Variants in MEGF6 observed in about 807,000 individuals in gnomAD.
MEGF6 encodes the protein multiple EGF like domains 6.
Under a neutral mutation model 207.1 loss-of-function variants are expected in MEGF6, and 184 were observed. The observed-to-expected ratio is 0.89, with a 90% CI of 0.79 to 1.00. The LOEUF is 1.00. MEGF6 is among the 50% of genes least tolerant of loss of function. The pLI is 0.00. For synonymous variants in MEGF6, 1,038 were observed against 910.0 expected, an observed-to-expected ratio of 1.14 and a Z score of -2.53; for missense variants, 2,282 against 2,202.9, an observed-to-expected ratio of 1.04 and a Z score of -0.72.
At chr1:3,542,634 G>A (rs974081101) in intron 4 of MEGF6, among the ~76,000 whole-genome samples, 3 of 152,228 alleles carry the variant, frequency 2.0e-5, no homozygotes, top group African/African-American at 4.8e-5. Flanking sequence ...CTGCAGCCCG[G>A]GCCGTGGGCC....
At chr1:3,622,271 G>C in the MEGF6 span, among the ~76,000 whole-genome samples, 76,311 of 151,840 alleles carry the variant, frequency 0.5, 19,371 homozygotes, top group East Asian at 0.65. Flanking sequence ...CCCCCGTGCT[G>C]TTCTTGTCAT....
chr1:3,615,297 C>A (rs761934806), upstream of MEGF6, among the ~76,000 whole-genome samples: 4 of 152,208 alleles, frequency 2.6e-5, no homozygotes, highest in Non-Finnish European at 5.9e-5. Context: ...AGAGAAAGGG[C>A]GGCTGCAGAG....
At chr1:3,562,010 C>T (rs960817454) in intron 4 of MEGF6, among the ~76,000 whole-genome samples, 3 of 152,148 alleles carry the variant, frequency 2.0e-5, no homozygotes, top group Non-Finnish European at 2.9e-5. Flanking sequence ...CATTCTTTGG[C>T]GGTGCTGGTG....
At chr1:3,532,981 A>C (rs1642223702) in intron 4 of MEGF6, among the ~76,000 whole-genome samples, 1 of 152,094 alleles carries the variant, frequency 6.6e-6, no homozygotes, top group Non-Finnish European at 1.5e-5. Context: ...ATTGAGCAGA[A>C]CTCCAGCCCC....
chr1:3,503,409 T>C (rs1640980532), intron 17 of MEGF6, among the ~76,000 whole-genome samples: 3 of 152,070 alleles, frequency 2.0e-5, no homozygotes, highest in Non-Finnish European at 4.4e-5. Flanking sequence ...CACTCGGATG[T>C]CATCGCCTGT....
At position 3,492,744 on chromosome 1, in the gene MEGF6, GC is replaced by G; in HGVS notation, c.4410del (p.Ser1472AlafsTer46). Reference sequence around the variant, plus strand: ...CAGTCACAGTGCAGGGTGCAGCTGGGCCCAAACTGGCCCCTTCTGCAATCTG... The same window carrying G: ...CAGTCACAGTGCAGGGTGCAGCTGGGCCAAACTGGCCCCTTCTGCAATCTG... The part of the protein sequence containing the change: ...CNLDCRRGQF[G>X]PSCTLHCDCG... On this transcript the variant is annotated frameshift_variant, in exon 35 of 37. Transcript: ENST00000356575. LOFTEE classifies it high-confidence loss of function. The G allele has an allele frequency of 6.2e-7, 1 of 1,612,180 alleles. No individual in the cohort carries two copies. The highest frequency in any genetic ancestry group is 8.5e-7 in the Non-Finnish European group (1 of 1,179,582).
At chr1:3,602,327 G>T in intron 2 of MEGF6, 139 bp downstream of exon 2, 1 of 1,311,632 alleles carries the variant, frequency 7.6e-7, no homozygotes, top group Non-Finnish European at 1.0e-6. Flanking sequence ...CTCATGCTCA[G>T]ATGAGGGCTT....
chr1:3,590,355 G>C (rs374923654), intron 3 of MEGF6, among the ~76,000 whole-genome samples: 19 of 151,768 alleles, frequency 1.3e-4, no homozygotes, highest in East Asian at 7.8e-4. Context: ...CACCGGACCA[G>C]GATAAAAGTG....
At chr1:3,581,882 C>T (rs766299905) in intron 3 of MEGF6, among the ~76,000 whole-genome samples, 2 of 152,156 alleles carry the variant, frequency 1.3e-5, no homozygotes, top group Admixed American at 6.5e-5. Context: ...TCCTGGAGCC[C>T]GTGCACACCA....
chr1:3,535,454 C>T (rs987908913), intron 4 of MEGF6, among the ~76,000 whole-genome samples: 2 of 151,992 alleles, frequency 1.3e-5, no homozygotes, highest in East Asian at 1.9e-4. Flanking sequence ...GGCTGCCCCT[C>T]TCCAGAAGGC....
chr1:3,610,259 C>G (rs1401043807), intron 1 of MEGF6, among the ~76,000 whole-genome samples: 1 of 152,234 alleles, frequency 6.6e-6, no homozygotes, highest in Non-Finnish European at 1.5e-5. Context: ...CAGTCCCCAG[C>G]CAGCTGCAGC....
chr1:3,580,013 G>A (rs929080418), intron 3 of MEGF6, 84 bp from the exon 4 acceptor site: 45 of 994,496 alleles, frequency 4.5e-5, no homozygotes, highest in Non-Finnish European at 5.7e-5. Flanking sequence ...TCTCGGGCAG[G>A]CAGCCCACCC....
Position 3,514,684 on chromosome 1 carries a change from G to T in MEGF6, c.731-12C>A. 1.3e-6 allele frequency: 2 copies of T among 1,564,110 alleles called. No homozygotes were observed. Among genetic ancestry groups the T allele is most frequent in the Non-Finnish European group, 1.7e-6 (2 of 1,156,876 alleles). ...ACACGGGCTTCTACCTGCAGCCACG[G>T]GCCCGAGGAGGGGGTTGGGGAGAGG... On this transcript the variant is annotated splice_polypyrimidine_tract_variant and intron_variant, in intron 6 of 36. Transcript: ENST00000356575.
At chr1:3,610,228 C>T (rs1333618659) in intron 1 of MEGF6, among the ~76,000 whole-genome samples, 2 of 152,228 alleles carry the variant, frequency 1.3e-5, no homozygotes, top group East Asian at 1.9e-4. Context: ...TTCACCAGCT[C>T]GACGTGGCAG....
intron 20 of MEGF6, 27 bp downstream of exon 20, chr1:3,500,939 C>G: frequency 6.2e-7 from 1 of 1,610,780 alleles, no homozygotes; most frequent in Non-Finnish European, 8.5e-7. Context: ...GATGTCTGGA[C>G]AAAGGGCAAG....
At chr1:3,598,312 C>T (rs1337209426) in intron 2 of MEGF6, among the ~76,000 whole-genome samples, 1 of 152,322 alleles carries the variant, frequency 6.6e-6, no homozygotes, top group African/African-American at 2.4e-5. Context: ...GGCCAGTGGC[C>T]GGCCGGCGGG....
intron 29 of MEGF6, among the ~76,000 whole-genome samples, chr1:3,496,355 T>C (rs1183174504): frequency 2.0e-5 from 3 of 152,234 alleles, no homozygotes; most frequent in Admixed American, 2.0e-4. Context: ...TTGAGCTGCC[T>C]GGCTGACCTC....
At chr1:3,576,218 C>G (rs1570172605) in intron 4 of MEGF6, among the ~76,000 whole-genome samples, 1 of 152,250 alleles carries the variant, frequency 6.6e-6, no homozygotes, top group East Asian at 1.9e-4. Context: ...GCTTTGTGCT[C>G]CCACGGCTCC....
At chr1:3,524,661 T>G (rs532337313) in intron 4 of MEGF6, among the ~76,000 whole-genome samples, 78 of 152,324 alleles carry the variant, frequency 5.1e-4, no homozygotes, top group African/African-American at 1.8e-3. Flanking sequence ...GAGACGGCCA[T>G]GCCCAGGCTG....
Sources: allele counts gnomAD v4.1 joint callset (sites outside exome capture counted in the v4.1 genomes callset), GRCh38; gene constraint gnomAD v4.1.1; transcripts MANE v1.5; gene names NCBI Gene and HGNC (gene_info 2026-07-23, HGNC 2026-07-21).